The following PPP1R13L variants were observed in gnomAD, a reference collection of about 807,000 sequenced individuals.
The protein encoded by PPP1R13L is relA-associated inhibitor.
Under a neutral mutation model 80.9 loss-of-function variants are expected in PPP1R13L, and 50 were observed. That is an observed-to-expected ratio of 0.62 (90% CI 0.49 to 0.78). The LOEUF is 0.78. Among genes scored for constraint, PPP1R13L ranks in the 30% least tolerant of loss-of-function variants. PPP1R13L has a pLI of 0.00. For missense variants in PPP1R13L, 1,200 were observed against 1,205.9 expected (o/e 1.00, Z 0.07); for synonymous variants, 602 against 534.3 (o/e 1.13, Z -1.75).
chr19:45,405,748 G>A (rs1973332199), upstream of PPP1R13L, among the ~76,000 whole-genome samples: 2 of 152,176 alleles, frequency 1.3e-5, no homozygotes, highest in African/African-American at 2.4e-5. Context: ...CAGAGGGGGC[G>A]GGAAGTGGCG....
intron 1 of PPP1R13L, among the ~76,000 whole-genome samples, chr19:45,404,206 A>G (rs1599782109): frequency 6.6e-6 from 1 of 152,004 alleles, no homozygotes; most frequent in Admixed American, 6.6e-5. Flanking sequence ...GGCTATGCAA[A>G]CCTCCCAGAA....
At chr19:45,382,903 G>C (rs1972792547) in intron 11 of PPP1R13L, among the ~76,000 whole-genome samples, 177 bp from the exon 12 acceptor site, 1 of 152,146 alleles carries the variant, frequency 6.6e-6, no homozygotes, top group African/African-American at 2.4e-5. Context: ...TGCCGGGACT[G>C]GCCGTCTTTG....
intron 1 of PPP1R13L, among the ~76,000 whole-genome samples, chr19:45,399,517 G>A (rs1167659654): frequency 6.6e-6 from 1 of 150,612 alleles, no homozygotes; most frequent in South Asian, 2.1e-4. Context: ...CCAGCTACTC[G>A]GGAGGCTGAG....
chr19:45,385,096 G>T (rs1972839513), intron 11 of PPP1R13L, among the ~76,000 whole-genome samples: 1 of 152,042 alleles, frequency 6.6e-6, no homozygotes, highest in Admixed American at 6.6e-5. Context: ...CGGGGAACCA[G>T]GTGATGTAGC....
At chr19:45,402,344 A>C (rs979733361) in intron 1 of PPP1R13L, among the ~76,000 whole-genome samples, 1 of 152,064 alleles carries the variant, frequency 6.6e-6, no homozygotes, top group African/African-American at 2.4e-5. Flanking sequence ...TCGATCTCCC[A>C]AAGTATTGGG....
chr19:45,398,477 C>T, intron 1 of PPP1R13L, 138 bp from the exon 2 acceptor site: 1 of 831,156 alleles, frequency 1.2e-6, no homozygotes, highest in Non-Finnish European at 1.8e-6. Flanking sequence ...CTTTCACCTC[C>T]CCAGCTGGGA....
At chr19:45,394,190 G>A (rs557863437) in intron 7 of PPP1R13L, among the ~76,000 whole-genome samples, 1 of 152,220 alleles carries the variant, frequency 6.6e-6, no homozygotes, top group African/African-American at 2.4e-5. Context: ...GGAGTGCAGT[G>A]GCGCTATCAC....
chr19:45,399,001 T>C (rs974305819), intron 1 of PPP1R13L, among the ~76,000 whole-genome samples: 3 of 152,042 alleles, frequency 2.0e-5, no homozygotes, highest in African/African-American at 7.2e-5. Context: ...TGGAGTGCAG[T>C]GGCGCGATCT....
intron 1 of PPP1R13L, 125 bp from the exon 2 acceptor site, chr19:45,398,464 A>T: frequency 2.3e-6 from 2 of 885,536 alleles, no homozygotes; most frequent in Non-Finnish European, 1.7e-6. Context: ...GAAGCCCTTT[A>T]CCCTTTCACC....
chr19:45,383,953 C>T (rs112524297), intron 11 of PPP1R13L, among the ~76,000 whole-genome samples: 1 of 151,776 alleles, frequency 6.6e-6, no homozygotes, highest in African/African-American at 2.4e-5. Flanking sequence ...TTAATAGAGA[C>T]GGGGTTTCAC....
intron 1 of PPP1R13L, among the ~76,000 whole-genome samples, chr19:45,401,265 G>A (rs1238942172): frequency 6.6e-6 from 1 of 150,636 alleles, no homozygotes; most frequent in Non-Finnish European, 1.5e-5. Context: ...TGAGGCAGGA[G>A]AATGGTGTGA....
At chr19:45,389,854 G>C (rs1369182355) in intron 8 of PPP1R13L, among the ~76,000 whole-genome samples, 4 of 151,828 alleles carry the variant, frequency 2.6e-5, no homozygotes, top group African/African-American at 7.3e-5. Context: ...GGAGTGCAGT[G>C]GCGCGATCTC....
At position 45,397,051 on chromosome 19, in the gene PPP1R13L, C is replaced by A. The variant is rs1215794534; in HGVS notation, c.206G>T (p.Arg69Leu). 9.1e-6 allele frequency: 12 copies of A among 1,319,100 alleles called. No homozygotes were observed. The highest frequency in any genetic ancestry group is 1.2e-5 in the Non-Finnish European group (12 of 1,035,416). The allele number at this position is 1,319,100 out of a possible 1,614,324, so 81.7% of individuals were successfully genotyped here. A position where few individuals can be genotyped will look rare whatever the true frequency, so the allele number is the denominator to read the frequency against. ...PQAGPPSRPPRYSSSSIPEPF... is the reference protein window; with the variant it reads ...PQAGPPSRPPLYSSSSIPEPF... ...CTCAGGGATCGAGCTGGAGCTGTAC[C>A]GGGGCGGCTGTGGGGAGGCCAGGGC... Residue 69 changes from arginine (R) to leucine (L), a missense_variant, in exon 4 of 13, where the codon CGG becomes CTG. Transcript: ENST00000360957.
intron 2 of PPP1R13L, 43 bp downstream of exon 2, chr19:45,398,221 C>T (rs745787018): frequency 6.2e-7 from 1 of 1,613,170 alleles, no homozygotes; most frequent in South Asian, 1.1e-5. Flanking sequence ...CGCCCGCTGC[C>T]GAGGTCCCCG....
At position 45,386,095 on chromosome 19, in the gene PPP1R13L, G is replaced by A. The variant is rs746055785; in HGVS notation, c.1901C>T (p.Ala634Val). Residue 634 changes from alanine to valine, a missense_variant, in exon 9 of 13, where the codon GCG becomes GTG. This residue lies in a region of PPP1R13L where 214 missense variants were observed against 199.6 expected (regional missense o/e 1.07). Transcript: ENST00000360957. The part of the protein sequence containing the change: ...RLNPLVLLLD[A>V]ALTGELEVVQ... Reference sequence around the variant, plus strand: ...CACCTCCAGCTCCCCGGTCAGCGCCGCGTCCAGGAGGAGCACCAGAGGGTT... The same window carrying A: ...CACCTCCAGCTCCCCGGTCAGCGCCACGTCCAGGAGGAGCACCAGAGGGTT... 2.5e-6 allele frequency: 4 copies of A among 1,577,890 alleles called. No homozygotes were observed. The highest frequency in any genetic ancestry group is 1.1e-5 in the South Asian group (1 of 87,534).
At chr19:45,395,256 C>T in intron 7 of PPP1R13L, 180 bp downstream of exon 7, 1 of 817,578 alleles carries the variant, frequency 1.2e-6, no homozygotes, top group Admixed American at 2.1e-5. Flanking sequence ...CACACTTAAC[C>T]TTTGAGCTAT....
intron 8 of PPP1R13L, among the ~76,000 whole-genome samples, chr19:45,389,141 A>T (rs771211033): frequency 6.6e-6 from 1 of 152,176 alleles, no homozygotes; most frequent in Non-Finnish European, 1.5e-5. Flanking sequence ...CTTACATTCT[A>T]TGATTTTTTA....
At chr19:45,400,508 T>C (rs4572514) in intron 1 of PPP1R13L, among the ~76,000 whole-genome samples, 30,347 of 151,810 alleles carry the variant, frequency 0.2, 3,362 homozygotes, top group East Asian at 0.44. Flanking sequence ...TGGCGGCTCA[T>C]TTGGATGAAC....
rs1972733774 is a variant in PPP1R13L at position 45,380,102 on chromosome 19, A to G, written c.*88T>C. The G allele has an allele frequency of 1.1e-5, 17 of 1,479,006 alleles. No individual in the cohort carries two copies. Among genetic ancestry groups the G allele is most frequent in the Non-Finnish European group, 1.6e-5 (17 of 1,061,670 alleles). The allele number at this position is 1,479,006 out of a possible 1,614,324, so 91.6% of individuals were successfully genotyped here. A position where few individuals can be genotyped will look rare whatever the true frequency, so the allele number is the denominator to read the frequency against. On this transcript the variant is annotated 3_prime_UTR_variant, in exon 13 of 13. Coordinates refer to ENST00000360957, the MANE Select transcript of PPP1R13L (RefSeq NM_006663.4). ...ACCACCAGCAGGGTGAGGGGTGCAG[A>G]TAAAGGCAGCAAAAAACAGAGGGAG...
Sources: allele counts gnomAD v4.1 joint callset (sites outside exome capture counted in the v4.1 genomes callset), GRCh38; gene constraint gnomAD v4.1.1; regional missense constraint gnomAD v4.1.1; transcripts MANE v1.5; gene names NCBI Gene and HGNC (gene_info 2026-07-23, HGNC 2026-07-21).